Variants in FHOD3 observed in about 807,000 individuals in gnomAD.
The protein encoded by FHOD3 is formin homology 2 domain containing 3.
In FHOD3, 90 loss-of-function variants were observed where a neutral mutation model predicts 173.0. The ratio of observed to expected loss-of-function variants is 0.52; its 90% CI spans 0.44 to 0.62. FHOD3 has a LOEUF of 0.62. FHOD3 is among the 20% of genes least tolerant of loss of function. The pLI is 0.00. For synonymous variants in FHOD3, 828 were observed against 823.0 expected (o/e 1.01, Z -0.10); for missense variants, 1,945 against 2,034.7 (o/e 0.96, Z 0.85).
intron 27 of FHOD3, 118 bp downstream of exon 27, chr18:36,760,900 A>G: frequency 4.9e-6 from 5 of 1,022,868 alleles, no homozygotes; most frequent in Middle Eastern, 3.2e-4. Context: ...TCCAGTGCCA[A>G]CCTAACCACA....
chr18:36,733,338 G>A (rs4799884), intron 20 of FHOD3, among the ~76,000 whole-genome samples: 55,323 of 152,048 alleles, frequency 0.36, 10,424 homozygotes, highest in African/African-American at 0.47. Context: ...GGGAGATAAG[G>A]CAGTGGCTCT....
intron 27 of FHOD3, among the ~76,000 whole-genome samples, chr18:36,761,497 C>CA (rs1202272642): frequency 2.0e-5 from 3 of 152,170 alleles, no homozygotes; most frequent in Non-Finnish European, 4.4e-5. Context: ...CCCCTGTAGG[C>CA]AGGTCCTGTC....
intron 8 of FHOD3, among the ~76,000 whole-genome samples, chr18:36,610,226 G>C (rs2032532497): frequency 6.6e-6 from 1 of 152,258 alleles, no homozygotes; most frequent in Non-Finnish European, 1.5e-5. Context: ...TGCAGAGTCA[G>C]CTGGCAGTTA....
chr18:36,525,326 T>C (rs1292041087), intron 5 of FHOD3, among the ~76,000 whole-genome samples: 29 of 152,134 alleles, frequency 1.9e-4, no homozygotes, highest in Admixed American at 1.8e-3. Flanking sequence ...CAAGTTGCCA[T>C]GAGTTCTACA....
At chr18:36,659,315 T>A (rs1274045409) in intron 14 of FHOD3, among the ~76,000 whole-genome samples, 2 of 152,228 alleles carry the variant, frequency 1.3e-5, no homozygotes, top group Admixed American at 1.3e-4. Flanking sequence ...GGTCCTGGGC[T>A]GAGCACACTT....
intron 3 of FHOD3, among the ~76,000 whole-genome samples, chr18:36,373,308 A>AG (rs1051252189): frequency 6.6e-6 from 1 of 152,230 alleles, no homozygotes; most frequent in African/African-American, 2.4e-5. Flanking sequence ...AGGAAAAAAA[A>AG]GGAACTAAAT....
chr18:36,424,632 A>G (rs1021529071), intron 3 of FHOD3, among the ~76,000 whole-genome samples: 1 of 152,194 alleles, frequency 6.6e-6, no homozygotes, highest in Non-Finnish European at 1.5e-5. Context: ...CACTCTAACT[A>G]TATTCTGTTG....
At chr18:36,580,754 C>T (rs2058820892) in intron 6 of FHOD3, among the ~76,000 whole-genome samples, 1 of 152,244 alleles carries the variant, frequency 6.6e-6, no homozygotes, top group Non-Finnish European at 1.5e-5. Flanking sequence ...AAGGAGGCCT[C>T]AGTCTCCTCC....
intron 10 of FHOD3, among the ~76,000 whole-genome samples, chr18:36,640,221 ACAT>A (rs778310430): frequency 2.7e-4 from 41 of 152,220 alleles, no homozygotes; most frequent in Non-Finnish European, 4.3e-4. Flanking sequence ...CACCATGGAA[ACAT>A]CAGAGCAACA....
At position 36,690,655 on chromosome 18, in the gene FHOD3, A is replaced by G. The variant is rs529027378; in HGVS notation, c.2022-2554A>G. Among the ~76,000 whole-genome samples the G allele has an allele frequency of 4.6e-5, 7 of 152,208 alleles. No individual in the cohort carries two copies. In the South Asian group the frequency reaches 1.5e-3, roughly 32 times the overall value. On this transcript the variant is annotated intron_variant, in intron 16 of 28. Coordinates refer to ENST00000590592, the MANE Select transcript of FHOD3 (RefSeq NM_001281740.3). ...GCCCACCGCCTTCACCACTCTGGCC[A>G]CTGCAGATGAACGCTGCTGCTGCTT...
intron 26 of FHOD3, among the ~76,000 whole-genome samples, chr18:36,760,152 C>T (rs973272986): frequency 6.6e-6 from 1 of 152,160 alleles, no homozygotes. Flanking sequence ...GTAATTCTAC[C>T]ATCGTAAGTG....
intron 5 of FHOD3, among the ~76,000 whole-genome samples, chr18:36,554,708 C>G (rs1355234466): frequency 6.6e-6 from 1 of 152,176 alleles, no homozygotes; most frequent in Non-Finnish European, 1.5e-5. Context: ...CCATCTAGTC[C>G]TAGCGATCCC....
At chr18:36,595,043 A>G (rs2030088445) in intron 7 of FHOD3, 145 bp downstream of exon 7, 2 of 592,492 alleles carry the variant, frequency 3.4e-6, no homozygotes, top group African/African-American at 1.9e-5. Context: ...GTTTTTTAGG[A>G]TAGTAAGCAC....
chr18:36,522,963 C>T (rs879420001), intron 5 of FHOD3, among the ~76,000 whole-genome samples: 6 of 152,076 alleles, frequency 3.9e-5, no homozygotes, highest in African/African-American at 9.7e-5. Context: ...CTTTCTTTAC[C>T]CTGCCTCTTC....
intron 1 of FHOD3, among the ~76,000 whole-genome samples, chr18:36,325,991 T>A (rs2044650449): frequency 6.6e-6 from 1 of 152,222 alleles, no homozygotes; most frequent in South Asian, 2.1e-4. Flanking sequence ...CACTGATTCC[T>A]GCATGCCAGG....
intron 5 of FHOD3, among the ~76,000 whole-genome samples, chr18:36,554,534 A>G (rs998158824): frequency 1.3e-5 from 2 of 152,066 alleles, no homozygotes; most frequent in Non-Finnish European, 2.9e-5. Flanking sequence ...ACCTAATGTT[A>G]ATGACGAGTT....
At chr18:36,305,854 A>G (rs961427360) in intron 1 of FHOD3, among the ~76,000 whole-genome samples, 2 of 152,124 alleles carry the variant, frequency 1.3e-5, no homozygotes, top group Non-Finnish European at 2.9e-5. Context: ...GTTTATACCA[A>G]TTGCATTTTA....
intron 20 of FHOD3, 121 bp downstream of exon 20, chr18:36,730,925 G>C: frequency 9.3e-7 from 1 of 1,070,490 alleles, no homozygotes; most frequent in Non-Finnish European, 1.3e-6. Context: ...CTCTGAATAA[G>C]GTTAATAATT....
At chr18:36,621,777 A>G (rs946027399) in intron 9 of FHOD3, among the ~76,000 whole-genome samples, 10 of 152,332 alleles carry the variant, frequency 6.6e-5, no homozygotes, top group African/African-American at 1.7e-4. Flanking sequence ...AAAGTTAAAG[A>G]AAAAAACTGT....
Sources: gnomAD v4.1 joint callset for allele counts (sites outside exome capture counted in the v4.1 genomes callset) on GRCh38, gnomAD v4.1.1 for gene constraint, MANE v1.5 for transcripts, NCBI Gene and HGNC (gene_info 2026-07-23, HGNC 2026-07-21) for gene names.